The following PTBP3 variants were observed in gnomAD, a reference collection of about 807,000 sequenced individuals.
The protein encoded by PTBP3 is polypyrimidine tract binding protein 3.
PTBP3 carries 20 observed loss-of-function variants against 58.7 expected under a neutral mutation model. The observed-to-expected ratio is 0.34, with a 90% CI of 0.24 to 0.50. The LOEUF is 0.50. Ranked by LOEUF, PTBP3 falls within the 20% of genes least tolerant of loss-of-function variation. The pLI is 0.98. For synonymous variants in PTBP3, 185 were observed against 219.8 expected (o/e 0.84, Z 1.40); for missense variants, 509 against 637.2 (o/e 0.80, Z 2.17).
chr9:112,369,986 C>T, the PTBP3 span, among the ~76,000 whole-genome samples: 1 of 152,172 alleles, frequency 6.6e-6, no homozygotes, highest in Non-Finnish European at 1.5e-5. Flanking sequence ...CTCTTGCCTG[C>T]CACCATGTAA....
At chr9:112,297,236 G>A (rs1010350532) in intron 2 of PTBP3, among the ~76,000 whole-genome samples, 2 of 151,974 alleles carry the variant, frequency 1.3e-5, no homozygotes, top group South Asian at 2.1e-4. Flanking sequence ...ATGGAGTCTC[G>A]CTCTGTCCCC....
chr9:112,335,477 G>C (rs1398174698), upstream of PTBP3, among the ~76,000 whole-genome samples: 1 of 151,214 alleles, frequency 6.6e-6, no homozygotes, highest in Non-Finnish European at 1.5e-5. Flanking sequence ...GTAGAGACAG[G>C]GTTTCACCAT....
chr9:112,268,132 T>C lies in PTBP3; in HGVS notation c.268A>G (p.Thr90Ala). ...ACAGGCTGGCTTCGAAGGTGAGGAG[T>C]AATAGGAGTGTAATAATTCACCATA... ...VTMVNYYTPI[T>A]PHLRSQPVYI... Residue 90 changes from threonine (T) to alanine (A), a missense_variant, in exon 4 of 14, where the codon ACT becomes GCT. Transcript: ENST00000374257. 6.2e-7 allele frequency: 1 copy of C among 1,613,708 alleles called. No homozygotes were observed. Among genetic ancestry groups the C allele is most frequent in the Non-Finnish European group, 8.5e-7 (1 of 1,179,826 alleles).
At chr9:112,226,386 C>T (rs908988504) in intron 12 of PTBP3, among the ~76,000 whole-genome samples, 1 of 152,058 alleles carries the variant, frequency 6.6e-6, no homozygotes, top group Non-Finnish European at 1.5e-5. Flanking sequence ...CCAGACTTCA[C>T]CCCTCTCTAT....
chr9:112,336,851 G>A (rs892644200), upstream of PTBP3, among the ~76,000 whole-genome samples: 9 of 152,148 alleles, frequency 5.9e-5, no homozygotes, highest in African/African-American at 2.2e-4. Flanking sequence ...AGTCTGCAAT[G>A]TAAAAACAGT....
Position 112,281,819 on chromosome 9 carries a change from C to G in PTBP3, c.35-5806G>C, listed in dbSNP as rs1284503392. ...TCATCTGAAGTGTCAAATTTATTAG[C>G]TTAAAATTTCATAATATTCACTGAA... On this transcript the variant is annotated intron_variant, in intron 2 of 13. Coordinates refer to ENST00000374257, the MANE Select transcript of PTBP3 (RefSeq NM_001163788.4). 5.3e-5 allele frequency among the ~76,000 whole-genome samples: 8 copies of G among 152,156 alleles called. No individual in the cohort carries two copies. In the East Asian group the frequency reaches 1.5e-3, roughly 29 times the overall value.
chr9:112,375,273 C>T, the PTBP3 span, among the ~76,000 whole-genome samples: 530 of 152,312 alleles, frequency 3.5e-3, 22 homozygotes, highest in East Asian at 0.09. Context: ...TTGCTTCTTC[C>T]AAGTCCCTGA....
intron 1 of PTBP3, among the ~76,000 whole-genome samples, chr9:112,326,554 G>A (rs1234028445): frequency 6.6e-6 from 1 of 152,170 alleles, no homozygotes; most frequent in Non-Finnish European, 1.5e-5. Context: ...TCTATATACT[G>A]ACAGGCATGA....
chr9:112,246,679 C>A (rs10981327), intron 7 of PTBP3, among the ~76,000 whole-genome samples: 1 of 147,658 alleles, frequency 6.8e-6, no homozygotes, highest in Admixed American at 6.7e-5. Context: ...GGCAACAGAG[C>A]GAGACTCTGT....
chr9:112,312,224 A>C (rs1228031109), intron 1 of PTBP3, among the ~76,000 whole-genome samples: 1 of 152,172 alleles, frequency 6.6e-6, no homozygotes, highest in African/African-American at 2.4e-5. Flanking sequence ...CAAGTGATTA[A>C]GACATAAAAA....
intron 1 of PTBP3, among the ~76,000 whole-genome samples, chr9:112,315,522 C>T (rs1421030519): frequency 6.6e-6 from 1 of 151,926 alleles, no homozygotes. Context: ...TCACTTGAGC[C>T]CAGTTCAAGG....
rs561582506 is a variant in PTBP3, at chr9:112,286,275, T to G, written c.35-10262A>C. Among the ~76,000 whole-genome samples the G allele has an allele frequency of 6.0e-3, 918 of 152,364 alleles. 8 individuals carry two copies. The highest frequency in any genetic ancestry group is 0.021 in the African/African-American group (869 of 41,580). On this transcript the variant is annotated intron_variant, in intron 2 of 13. Transcript: ENST00000374257. ...CTAAACAATCTTTTAATTGAATTTT[T>G]TATTGCATTCCCACTTCATATAATT... is the stretch of plus-strand genomic sequence containing the variant.
chr9:112,284,152 A>G (rs1828001929), intron 2 of PTBP3, among the ~76,000 whole-genome samples: 1 of 152,306 alleles, frequency 6.6e-6, no homozygotes, highest in East Asian at 1.9e-4. Context: ...CACTGCACCT[A>G]GTGGAGCTGT....
chr9:112,330,897 A>C (rs1361809738), intron 1 of PTBP3, among the ~76,000 whole-genome samples: 1 of 152,226 alleles, frequency 6.6e-6, no homozygotes, highest in African/African-American at 2.4e-5. Context: ...AATAGAAGGC[A>C]TCTTGCAAAT....
intron 1 of PTBP3, among the ~76,000 whole-genome samples, chr9:112,325,846 A>G (rs1343265482): frequency 6.6e-6 from 1 of 152,096 alleles, no homozygotes; most frequent in Non-Finnish European, 1.5e-5. Flanking sequence ...GGCGAAACCT[A>G]GTCTCTACAA....
intron 1 of PTBP3, chr9:112,330,581 T>A (rs1830331122): frequency 1.5e-6 from 1 of 686,038 alleles, no homozygotes; most frequent in Admixed American, 3.5e-5. Flanking sequence ...TAATAACAAA[T>A]AATAAAAATA....
the PTBP3 span, among the ~76,000 whole-genome samples, chr9:112,375,309 G>A: frequency 6.6e-5 from 10 of 152,126 alleles, no homozygotes; most frequent in African/African-American, 1.7e-4. Context: ...ACTGGCTACC[G>A]CCCATGAATT....
chr9:112,331,926 C>T (rs973932884), intron 1 of PTBP3, among the ~76,000 whole-genome samples: 13 of 152,174 alleles, frequency 8.5e-5, no homozygotes, highest in Non-Finnish European at 1.8e-4. Context: ...AGCCTGCTTC[C>T]ATTATTTAAG....
intron 2 of PTBP3, among the ~76,000 whole-genome samples, chr9:112,290,695 T>TACACACACAC (rs1335488388): frequency 1.2e-4 from 9 of 76,852 alleles, no homozygotes; most frequent in Admixed American, 8.3e-4. Flanking sequence ...AAAATATATA[T>TACACACACAC]ATATATATAT....
Sources: allele counts gnomAD v4.1 joint callset (sites outside exome capture counted in the v4.1 genomes callset), GRCh38; gene constraint gnomAD v4.1.1; transcripts MANE v1.5; gene names NCBI Gene and HGNC (gene_info 2026-07-23, HGNC 2026-07-21).